The following HDLBP variants were observed in gnomAD, a reference collection of about 807,000 sequenced individuals.
The protein encoded by HDLBP is vigilin.
In HDLBP, 30 loss-of-function variants were observed where a neutral mutation model predicts 137.3. The observed-to-expected ratio is 0.22, with a 90% confidence interval of 0.16 to 0.30. The LOEUF (loss-of-function observed/expected upper bound fraction) is 0.30. HDLBP is among the 10% of genes least tolerant of loss of function. The pLI is 1.00. For synonymous variants in HDLBP, 606 were observed against 596.0 expected (o/e 1.02, Z -0.24); for missense variants, 1,119 against 1,667.3 (o/e 0.67, Z 5.73).
In HDLBP at chr2:241,242,608, C is replaced by G; in HGVS notation, c.2021G>C (p.Arg674Pro). 6.2e-7 allele frequency: 1 copy of G among 1,614,192 alleles called. No homozygotes were observed. The highest frequency in any genetic ancestry group is 8.5e-7 in the Non-Finnish European group (1 of 1,180,038). ...CTCCTCCATGATGGAGCGGATCAGA[C>G]GGCCCTTGGTGCCAATGAGGGAGTT... The part of the protein sequence containing the change: ...LHNSLIGTKG[R>P]LIRSIMEECG... The change falls in exon 17 of 28, where the codon CGT becomes CCT. Residue 674 changes from arginine (R) to proline (P), a missense_variant. Around this residue, in one of 4 missense-constraint regions of HDLBP, gnomAD observed 618 missense variants for 816.7 expected, o/e 0.76. Coordinates refer to ENST00000310931, the MANE Select transcript of HDLBP (RefSeq NM_005336.6).
chr2:241,313,453 T>A (rs1279042758), intron 1 of HDLBP, among the ~76,000 whole-genome samples: 1 of 152,122 alleles, frequency 6.6e-6, no homozygotes, highest in African/African-American at 2.4e-5. Flanking sequence ...CTAATTTTTG[T>A]ATTTTTAGTA....
At chr2:241,281,122 G>A (rs982712127) in intron 1 of HDLBP, among the ~76,000 whole-genome samples, 1 of 152,182 alleles carries the variant, frequency 6.6e-6, no homozygotes, top group Non-Finnish European at 1.5e-5. Flanking sequence ...TTGGGAGGCC[G>A]AGGTGGGCGG....
intron 1 of HDLBP, among the ~76,000 whole-genome samples, chr2:241,298,193 T>C (rs1225100600): frequency 1.3e-5 from 2 of 150,714 alleles, no homozygotes; most frequent in East Asian, 1.9e-4. Flanking sequence ...GGTGAAACCC[T>C]GTCTCTACTA....
At chr2:241,234,423 A>C (rs985410725) in intron 23 of HDLBP, among the ~76,000 whole-genome samples, 1 of 152,340 alleles carries the variant, frequency 6.6e-6, no homozygotes, top group Admixed American at 6.5e-5. Context: ...ACCTGGCTGC[A>C]GGAGACAACC....
chr2:241,306,823 A>G (rs2075593097), intron 1 of HDLBP, among the ~76,000 whole-genome samples: 1 of 151,454 alleles, frequency 6.6e-6, no homozygotes, highest in East Asian at 2.0e-4. Flanking sequence ...CGGAAGTTGC[A>G]GTGAGCGGAG....
At position 241,230,139 on chromosome 2, in the gene HDLBP, CCA is replaced by C. The variant is rs755268362; in HGVS notation, c.3591+12_3591+13del. 14 of 1,604,784 alleles carry C rather than the reference CCA, an allele frequency of 8.7e-6. No homozygotes were observed. Among genetic ancestry groups the C allele is most frequent in the South Asian group, 1.1e-5 (1 of 90,918 alleles). ...CCAGGGCGCCTCAGGGCTCCAAGGC[CCA>C]CAGAGACTCACGTATTCCTCCTCCA... On this transcript the variant is annotated intron_variant, in intron 26 of 27. Transcript: ENST00000310931. This position sits in a 1 kb window ranked among gnomAD's most constrained non-coding sequence, Gnocchi z 5.0.
At chr2:241,255,964 G>C (rs979980788) in intron 7 of HDLBP, among the ~76,000 whole-genome samples, 1 of 152,248 alleles carries the variant, frequency 6.6e-6, no homozygotes. Context: ...TGTCAGCACA[G>C]TCAGAGGCCC....
chr2:241,256,524 G>C, intron 6 of HDLBP, 76 bp downstream of exon 6: 1 of 1,542,872 alleles, frequency 6.5e-7, no homozygotes, highest in African/African-American at 1.4e-5. Flanking sequence ...GTCCACACTG[G>C]ACACGGCAAC....
chr2:241,298,952 C>T (rs2075288150), intron 1 of HDLBP, among the ~76,000 whole-genome samples: 1 of 152,228 alleles, frequency 6.6e-6, no homozygotes, highest in African/African-American at 2.4e-5. Flanking sequence ...GAACTAGATC[C>T]TTTCAGTGGA....
chr2:241,267,437 G>C (rs1169277355), intron 2 of HDLBP: 1 of 758,764 alleles, frequency 1.3e-6, no homozygotes, highest in Non-Finnish European at 2.2e-6. Context: ...CAGAGACACA[G>C]TCAACACCAC....
chr2:241,246,615 G>T, intron 16 of HDLBP, 137 bp downstream of exon 16: 1 of 827,914 alleles, frequency 1.2e-6, no homozygotes, highest in Non-Finnish European at 1.9e-6. Flanking sequence ...CTCATCAGTA[G>T]CCTGGATTGA....
In HDLBP at chr2:241,283,632, G is replaced by A. The variant is rs764731223; in HGVS notation, c.-102-15091C>T. 6.6e-5 allele frequency among the ~76,000 whole-genome samples: 10 copies of A among 150,888 alleles called. No individual in the cohort carries two copies. In the Admixed American group the frequency reaches 6.9e-4, roughly 10 times the overall value. ...TGGGACTACAGGCGCCCACCACCACGCCCGGCTAATTTTTTGTATTTTTAG... is the reference window on the plus strand; with the variant it reads ...TGGGACTACAGGCGCCCACCACCACACCCGGCTAATTTTTTGTATTTTTAG... On this transcript the variant is annotated intron_variant, in intron 1 of 27. Transcript: ENST00000310931.
chr2:241,252,725 C>T (rs12619763), intron 11 of HDLBP, among the ~76,000 whole-genome samples: 5,062 of 152,236 alleles, frequency 0.033, 522 homozygotes, highest in Admixed American at 0.19. Flanking sequence ...AGATGGATTT[C>T]CAAAAGTGAC....
intron 22 of HDLBP, 59 bp downstream of exon 22, chr2:241,235,431 C>T: frequency 2.0e-6 from 3 of 1,477,270 alleles, no homozygotes; most frequent in Middle Eastern, 1.8e-4. Flanking sequence ...GACACTGGCA[C>T]TCGGGAGAGG....
intron 1 of HDLBP, chr2:241,302,544 AAACAAATTGGT>A (rs2075430220): frequency 6.6e-6 from 1 of 152,282 alleles, no homozygotes; most frequent in African/African-American, 2.4e-5. Context: ...CTCTGTTTCA[AAACAAATTGGT>A]AAAAGTGCCA....
At position 241,236,599 on chromosome 2, in the gene HDLBP, GC is replaced by G. The variant is rs1480215199; in HGVS notation, c.2904+15del. Reference sequence around the variant, plus strand: ...GGGCCTTGGCGGGGGGTGGAGGGGGGCACATGGACACATACCTCCAGAGCTT... The same window carrying G: ...GGGCCTTGGCGGGGGGTGGAGGGGGGACATGGACACATACCTCCAGAGCTT... On this transcript the variant is annotated intron_variant, in intron 21 of 27. Coordinates refer to ENST00000310931, the MANE Select transcript of HDLBP (RefSeq NM_005336.6). The G allele has an allele frequency of 6.2e-7, 1 of 1,612,880 alleles. No individual in the cohort carries two copies. The highest frequency in any genetic ancestry group is 1.3e-5 in the African/African-American group (1 of 74,904).
intron 7 of HDLBP, 152 bp downstream of exon 7, chr2:241,256,032 A>C (rs981763391): frequency 2.9e-6 from 2 of 683,814 alleles, no homozygotes; most frequent in Admixed American, 4.9e-5. Flanking sequence ...GCGGGCACCG[A>C]TCTCACCCGG....
intron 1 of HDLBP, among the ~76,000 whole-genome samples, chr2:241,291,410 A>T (rs2075009673): frequency 6.6e-6 from 1 of 152,172 alleles, no homozygotes; most frequent in Non-Finnish European, 1.5e-5. Flanking sequence ...ACTTGGGTAG[A>T]ACAACAGAAG....
Position 241,246,747 on chromosome 2 carries a change from A to C in HDLBP, c.1950+5T>G. The stretch of plus-strand genomic sequence containing the variant: ...GGATCTCCATTAGAAAACATCTCCC[A>C]TTACCAGGTCTTTCTGAATAGACAG... On this transcript the variant is annotated splice_donor_5th_base_variant and intron_variant, in intron 16 of 27. Coordinates refer to ENST00000310931, the MANE Select transcript of HDLBP (RefSeq NM_005336.6). The C allele has an allele frequency of 2.5e-6, 4 of 1,613,194 alleles. No homozygotes were observed. The highest frequency in any genetic ancestry group is 3.4e-6 in the Non-Finnish European group (4 of 1,179,544).
Sources: gnomAD v4.1 joint callset for allele counts (sites outside exome capture counted in the v4.1 genomes callset) on GRCh38, gnomAD v4.1.1 for gene constraint, gnomAD v4.1.1 regional missense constraint, Gnocchi (gnomAD v3.1) non-coding constraint, MANE v1.5 for transcripts, NCBI Gene and HGNC (gene_info 2026-07-23, HGNC 2026-07-21) for gene names.